PALS2: variants seen among roughly 807,000 people sequenced by gnomAD.
The protein encoded by PALS2 is protein associated with LIN7 2, MAGUK p55 family member, also known as protein PALS2.
Under a neutral mutation model 61.6 loss-of-function variants are expected in PALS2, and 27 were observed. The observed-to-expected ratio is 0.44, with a 90% CI of 0.32 to 0.60. PALS2 has a LOEUF of 0.60. Ranked by LOEUF, PALS2 falls within the 20% of genes least tolerant of loss-of-function variation. PALS2 has a pLI of 0.05. For synonymous variants in PALS2, 236 were observed against 218.6 expected (o/e 1.08, Z -0.70); for missense variants, 554 against 639.4 (o/e 0.87, Z 1.44).
intron 9 of PALS2, among the ~76,000 whole-genome samples, chr7:24,669,519 C>T (rs777206949): frequency 8.5e-5 from 13 of 152,168 alleles, no homozygotes; most frequent in Non-Finnish European, 1.3e-4. Context: ...CTTTCATTCC[C>T]ATTGCTGTGC....
chr7:24,675,028 T>G (rs1289443700), intron 9 of PALS2, among the ~76,000 whole-genome samples: 1 of 152,220 alleles, frequency 6.6e-6, no homozygotes, highest in African/African-American at 2.4e-5. Context: ...CAAACCTTCA[T>G]GTTCTAATTT....
rs188187625 is a variant in PALS2 at position 24,630,614 on chromosome 7, C to T, written c.117+6830C>T. Among the ~76,000 whole-genome samples the T allele has an allele frequency of 2.0e-5, 3 of 152,312 alleles. No homozygotes were observed. In the East Asian group the frequency reaches 5.8e-4, roughly 29 times the overall value. On this transcript the variant is annotated intron_variant, in intron 2 of 11. Transcript: ENST00000222644. ...ACACAGCAGCTTTGTTTTGGAAGAA[C>T]ATCTAGAGCTTTCACAGCTAGAGAG...
At chr7:24,675,093 T>G (rs576987334) in intron 9 of PALS2, among the ~76,000 whole-genome samples, 28 of 152,302 alleles carry the variant, frequency 1.8e-4, no homozygotes, top group African/African-American at 6.5e-4. Flanking sequence ...GATTGTTTTT[T>G]GAAGTGTTAG....
At position 24,679,144 on chromosome 7, in the gene PALS2, A is replaced by G. The variant is rs763602651; in HGVS notation, c.1128A>G (p.Lys376=). The change falls in exon 10 of 12, where the codon AAA becomes AAG. Residue 376 remains lysine, a synonymous_variant. Transcript: ENST00000222644. ...TATTTTATTTAGTTACTTCACGGAA[A>G]CCAAGGGAAGATGAAAAAGATGGCC... The part of the protein sequence containing the change: ...FGTTVPFTSR[K]PREDEKDGQA... 2.5e-6 allele frequency: 4 copies of G among 1,613,688 alleles called. No individual in the cohort carries two copies. The African/African-American group carries it at 4.0e-5, about 16-fold the overall frequency.
intron 3 of PALS2, among the ~76,000 whole-genome samples, chr7:24,647,211 A>C (rs1668674839): frequency 6.7e-6 from 1 of 150,008 alleles, no homozygotes; most frequent in Non-Finnish European, 1.5e-5. Flanking sequence ...CAGTGGCACG[A>C]TCTCGGTTCT....
Position 24,687,174 on chromosome 7 carries a change from C to G in PALS2, c.1447-264C>G, listed in dbSNP as rs961487587. Among the ~76,000 whole-genome samples the G allele has an allele frequency of 6.6e-6, 1 of 152,130 alleles. No individual in the cohort carries two copies. Among genetic ancestry groups the G allele is most frequent in the African/African-American group, 2.4e-5 (1 of 41,448 alleles). On this transcript the variant is annotated intron_variant, in intron 11 of 11. Coordinates refer to ENST00000222644, the MANE Select transcript of PALS2 (RefSeq NM_001303037.2). The surrounding 1 kb of genome is among the most constrained non-coding windows in gnomAD (Gnocchi z 4.5). ...TCATTCCAAGATTATTTTCAGCAGTCTTTTAATTAGGAATTTTATCCTAAT... is the reference window on the plus strand; with the variant it reads ...TCATTCCAAGATTATTTTCAGCAGTGTTTTAATTAGGAATTTTATCCTAAT...
chr7:24,637,014 G>T (rs528963938), intron 2 of PALS2, among the ~76,000 whole-genome samples: 8 of 152,184 alleles, frequency 5.3e-5, no homozygotes, highest in African/African-American at 1.7e-4. Context: ...AAAGGTTATT[G>T]TGTATTTCCT....
intron 1 of PALS2, among the ~76,000 whole-genome samples, chr7:24,622,218 A>T (rs181020390): frequency 2.6e-4 from 40 of 152,166 alleles, no homozygotes; most frequent in African/African-American, 9.4e-4. Context: ...AAGGCAGTTC[A>T]GATTTTGATA....
At position 24,666,092 on chromosome 7, in the gene PALS2, A is replaced by G. The variant is rs768896937; in HGVS notation, c.952+3A>G. ...GTATCTCACAACCAGAAATGCAGGT[A>G]GGTTTTAAATACTTTTTGAGAAGTC... is the stretch of plus-strand genomic sequence containing the variant. On this transcript the variant is annotated splice_donor_region_variant and intron_variant, in intron 8 of 11. Transcript: ENST00000222644. 37 of 1,607,940 alleles carry G rather than the reference A, an allele frequency of 2.3e-5. No homozygotes were observed. In the Admixed American group the frequency reaches 3.0e-4, roughly 13 times the overall value.
At chr7:24,661,573 A>G (rs1554311263) in intron 5 of PALS2, among the ~76,000 whole-genome samples, 2 of 152,304 alleles carry the variant, frequency 1.3e-5, no homozygotes, top group East Asian at 1.9e-4. Flanking sequence ...CAATCACTGC[A>G]TCTTTCTTGA....
intron 5 of PALS2, among the ~76,000 whole-genome samples, chr7:24,660,821 AT>A (rs1253011221): frequency 1.3e-5 from 2 of 152,238 alleles, no homozygotes; most frequent in Non-Finnish European, 2.9e-5. Context: ...AGGTTGAACC[AT>A]TCTTCCACAA....
chr7:24,600,839 C>G (rs1481641921), intron 1 of PALS2, among the ~76,000 whole-genome samples: 1 of 152,080 alleles, frequency 6.6e-6, no homozygotes, highest in Non-Finnish European at 1.5e-5. Flanking sequence ...GCGAAAAAAT[C>G]TTGCCTGTTT....
intron 11 of PALS2, among the ~76,000 whole-genome samples, chr7:24,683,414 T>C (rs1788034168): frequency 6.6e-6 from 1 of 152,214 alleles, no homozygotes; most frequent in Non-Finnish European, 1.5e-5. Flanking sequence ...AGCACGTATG[T>C]TCAAACTTAT....
At chr7:24,672,926 G>T (rs1489399508) in intron 9 of PALS2, among the ~76,000 whole-genome samples, 1 of 152,100 alleles carries the variant, frequency 6.6e-6, no homozygotes, top group Non-Finnish European at 1.5e-5. Context: ...ACTAGAACCT[G>T]CAGTGTAATG....
intron 9 of PALS2, among the ~76,000 whole-genome samples, chr7:24,672,825 C>G (rs1021822830): frequency 1.3e-5 from 2 of 152,076 alleles, no homozygotes; most frequent in African/African-American, 4.8e-5. Context: ...TTTCTATATA[C>G]AAAATCATGT....
At chr7:24,652,270 A>G (rs903017456) in intron 5 of PALS2, among the ~76,000 whole-genome samples, 10 of 152,216 alleles carry the variant, frequency 6.6e-5, no homozygotes, top group African/African-American at 1.9e-4. Flanking sequence ...CCATGGCTAT[A>G]AGAGACTTTT....
chr7:24,613,030 T>C (rs79729812), intron 1 of PALS2, among the ~76,000 whole-genome samples: 5,884 of 151,874 alleles, frequency 0.039, 153 homozygotes, highest in Non-Finnish European at 0.058. Context: ...CTATCTGATA[T>C]ATCTTAAGCA....
chr7:24,581,910 A>T (rs918391591), intron 1 of PALS2, among the ~76,000 whole-genome samples: 2 of 152,366 alleles, frequency 1.3e-5, no homozygotes, highest in East Asian at 3.9e-4. Flanking sequence ...CGATTGACAC[A>T]TATCTTAAAT....
rs1786091424 is a variant in PALS2, at chr7:24,650,612, G to T, written c.551G>T (p.Gly184Val). ...IIKEVNGHEV[G>V]NNPKELQELL... ...AAAGAAGTCAATGGCCATGAGGTTG[G>T]AAATAATCCAAAGGAATTACAAGAA... The change falls in exon 5 of 12, where the codon GGA becomes GTA. Residue 184 changes from glycine to valine, a missense_variant. By Grantham distance (109) the Gly-to-Val change is moderately radical (BLOSUM62 -3). Coordinates refer to ENST00000222644, the MANE Select transcript of PALS2 (RefSeq NM_001303037.2). 6.2e-7 allele frequency: 1 copy of T among 1,612,280 alleles called. No individual in the cohort carries two copies. Among genetic ancestry groups the T allele is most frequent in the African/African-American group, 1.3e-5 (1 of 74,826 alleles).
Sources: allele counts gnomAD v4.1 joint callset (sites outside exome capture counted in the v4.1 genomes callset), GRCh38; gene constraint gnomAD v4.1.1; non-coding constraint Gnocchi (gnomAD v3.1); transcripts MANE v1.5; gene names NCBI Gene and HGNC (gene_info 2026-07-23, HGNC 2026-07-21).